The following KIAA1755 variants were observed in gnomAD, a reference collection of about 807,000 sequenced individuals.
The protein encoded by KIAA1755 is KIAA1755, also known as uncharacterized protein KIAA1755.
In KIAA1755, 68 loss-of-function variants were observed where a neutral mutation model predicts 91.7. The ratio of observed to expected loss-of-function variants is 0.74; its 90% CI spans 0.61 to 0.91. KIAA1755 has a LOEUF of 0.91. Ranked by LOEUF, KIAA1755 falls within the 40% of genes least tolerant of loss-of-function variation. KIAA1755 has a pLI of 0.00. For synonymous variants in KIAA1755, 610 were observed against 604.6 expected (o/e 1.01, Z -0.13); for missense variants, 1,535 against 1,494.4 (o/e 1.03, Z -0.45).
intron 1 of KIAA1755, among the ~76,000 whole-genome samples, chr20:38,251,326 A>G (rs2076246150): frequency 1.3e-5 from 2 of 152,172 alleles, no homozygotes; most frequent in African/African-American, 4.8e-5. Flanking sequence ...CTGATTGTCC[A>G]TCACATGGTT....
Position 38,218,281 on chromosome 20 carries a change from G to A in KIAA1755, c.2642C>T (p.Ala881Val). Residue 881 changes from alanine to valine, a missense_variant, in exon 12 of 14, where the codon GCC becomes GTC. Coordinates refer to ENST00000279024, the MANE Select transcript of KIAA1755 (RefSeq NM_001029864.2). ...KDGSLETVEK[A>V]HAEFENFFLQ... ...GAAGAAGTTCTCAAATTCTGCGTGG[G>A]CTTTCTCCACTGTCTCCAAACTTCC... 6.2e-7 allele frequency: 1 copy of A among 1,614,200 alleles called. No homozygotes were observed.
chr20:38,222,614 G>A lies in KIAA1755; in HGVS notation c.2269-17C>T. 1.9e-6 allele frequency: 3 copies of A among 1,609,608 alleles called. No individual in the cohort carries two copies. Among genetic ancestry groups the A allele is most frequent in the Non-Finnish European group, 2.5e-6 (3 of 1,179,788 alleles). On this transcript the variant is annotated splice_polypyrimidine_tract_variant and intron_variant, in intron 9 of 13. Coordinates refer to ENST00000279024, the MANE Select transcript of KIAA1755 (RefSeq NM_001029864.2). The stretch of plus-strand genomic sequence containing the variant: ...GGTAGCCTCCTGCCAGCGTAGGGAG[G>A]TGCCCTGAGGCCCCATCCCCACTCT...
chr20:38,241,899 C>T lies in KIAA1755; in HGVS notation c.232G>A (p.Glu78Lys), dbSNP rs769949948. ...TCCCTCAGACAGAGTGGCCAGCCCT[C>T]GTGTAAGAAGAGGCAGTGTGAGTAG... ...APYSHCLFLHEGWPLCLRDEV... is the reference protein window; with the variant it reads ...APYSHCLFLHKGWPLCLRDEV... The change falls in exon 3 of 14, where the codon GAG becomes AAG. Residue 78 changes from glutamate (E) to lysine (K), a missense_variant. Coordinates refer to ENST00000279024, the MANE Select transcript of KIAA1755 (RefSeq NM_001029864.2). 1.7e-5 allele frequency: 27 copies of T among 1,613,322 alleles called. No homozygotes were observed. Among genetic ancestry groups the T allele is most frequent in the Non-Finnish European group, 2.1e-5 (25 of 1,179,926 alleles).
chr20:38,248,124 G>A (rs2076188255), intron 1 of KIAA1755, among the ~76,000 whole-genome samples: 2 of 152,208 alleles, frequency 1.3e-5, no homozygotes, highest in Admixed American at 1.3e-4. Flanking sequence ...AGCTACTCGG[G>A]AGGCCAAGGC....
intron 1 of KIAA1755, among the ~76,000 whole-genome samples, chr20:38,252,236 T>C (rs1411176861): frequency 6.6e-6 from 1 of 152,184 alleles, no homozygotes; most frequent in African/African-American, 2.4e-5. Flanking sequence ...GCTGCTGTTA[T>C]TGCTATTCAT....
intron 1 of KIAA1755, chr20:38,260,144 C>T: frequency 7.9e-7 from 1 of 1,259,038 alleles, no homozygotes; most frequent in Non-Finnish European, 1.0e-6. Context: ...GGACAATGTG[C>T]ATATCACAGT....
At chr20:38,253,070 C>G (rs868342934) in intron 1 of KIAA1755, among the ~76,000 whole-genome samples, 2 of 147,384 alleles carry the variant, frequency 1.4e-5, no homozygotes, top group Admixed American at 6.7e-5. Context: ...GCCCGCAGCC[C>G]GGCAGGAGCC....
intron 1 of KIAA1755, among the ~76,000 whole-genome samples, chr20:38,252,275 C>T (rs1220548756): frequency 6.6e-6 from 1 of 152,180 alleles, no homozygotes. Flanking sequence ...ATCCTGTCAG[C>T]CCAAGCTTAA....
At chr20:38,242,842 ATTTG>A (rs1402242854) in intron 2 of KIAA1755, among the ~76,000 whole-genome samples, 16 of 152,314 alleles carry the variant, frequency 1.1e-4, no homozygotes, top group Non-Finnish European at 1.9e-4. Context: ...ATGAAGGCTT[ATTTG>A]TTTATTTTTT....
chr20:38,225,580 G>T (rs1219591023), intron 8 of KIAA1755, 85 bp downstream of exon 8: 5 of 874,092 alleles, frequency 5.7e-6, no homozygotes, highest in Non-Finnish European at 9.9e-6. Flanking sequence ...TAGCATAGCA[G>T]GGTTGATGGA....
chr20:38,223,840 G>A (rs552173305), intron 8 of KIAA1755, among the ~76,000 whole-genome samples: 51 of 152,296 alleles, frequency 3.3e-4, no homozygotes, highest in Non-Finnish European at 4.0e-4. Flanking sequence ...GCGAGGCATG[G>A]TAGAAAGTGC....
At chr20:38,231,362 T>C (rs1272484378) in intron 4 of KIAA1755, 37 bp from the exon 5 acceptor site, 1 of 1,573,782 alleles carries the variant, frequency 6.4e-7, no homozygotes, top group Non-Finnish European at 8.6e-7. Flanking sequence ...AGTGAGAACT[T>C]GTGGGGGGCC....
chr20:38,219,545 A>C (rs1490715479), intron 11 of KIAA1755, 85 bp downstream of exon 11: 5 of 1,550,252 alleles, frequency 3.2e-6, no homozygotes, highest in Admixed American at 3.6e-5. Context: ...AAAGCACCTG[A>C]CTAGGGACGG....
chr20:38,236,147 G>C (rs940256304), intron 4 of KIAA1755, among the ~76,000 whole-genome samples: 1 of 152,218 alleles, frequency 6.6e-6, no homozygotes, highest in Non-Finnish European at 1.5e-5. Flanking sequence ...GGATGTAAGA[G>C]AAAGAGCAAT....
chr20:38,217,148 G>A (rs879880957), intron 13 of KIAA1755, 105 bp downstream of exon 13: 16 of 972,294 alleles, frequency 1.6e-5, no homozygotes, highest in East Asian at 2.6e-5. Context: ...TGGGGGCGGT[G>A]TCTATGCAGT....
intron 1 of KIAA1755, chr20:38,260,208 C>T: frequency 6.8e-7 from 1 of 1,460,368 alleles, no homozygotes; most frequent in Admixed American, 2.5e-5. Context: ...AGCCTCAGGG[C>T]TGAGATTCAG....
At chr20:38,217,111 G>T (rs1417411539) in intron 13 of KIAA1755, 142 bp downstream of exon 13, 1 of 700,732 alleles carries the variant, frequency 1.4e-6, no homozygotes, top group Non-Finnish European at 2.4e-6. Flanking sequence ...GTGGGTGGGG[G>T]GGGGCTGTGT....
At chr20:38,217,085 G>T (rs2075557564) in intron 13 of KIAA1755, 168 bp downstream of exon 13, 1 of 649,614 alleles carries the variant, frequency 1.5e-6, no homozygotes, top group Non-Finnish European at 2.8e-6. Context: ...AGGGGATGGG[G>T]GTGGTGTCTG....
chr20:38,250,427 A>G (rs952837383), intron 1 of KIAA1755, among the ~76,000 whole-genome samples: 1 of 151,834 alleles, frequency 6.6e-6, no homozygotes, highest in Non-Finnish European at 1.5e-5. Flanking sequence ...GTAGGTGCTC[A>G]TTAAGTAAGA....
Sources: gnomAD v4.1 joint callset for allele counts (sites outside exome capture counted in the v4.1 genomes callset) on GRCh38, gnomAD v4.1.1 for gene constraint, MANE v1.5 for transcripts, NCBI Gene and HGNC (gene_info 2026-07-23, HGNC 2026-07-21) for gene names.